SEPTIN7: variants seen among roughly 807,000 people sequenced by gnomAD.
The protein encoded by SEPTIN7 is septin-7.
In SEPTIN7, 10 loss-of-function variants were observed where a neutral mutation model predicts 63.3. The ratio of observed to expected loss-of-function variants is 0.16; its 90% CI spans 0.10 to 0.27. The LOEUF (loss-of-function observed/expected upper bound fraction) is 0.27, where lower values mean the gene tolerates loss of function less well. Ranked by LOEUF, SEPTIN7 falls within the 10% of genes least tolerant of loss-of-function variation. SEPTIN7 has a pLI of 1.00. For synonymous variants in SEPTIN7, 131 were observed against 165.3 expected (o/e 0.79, Z 1.59); for missense variants, 310 against 521.0 (o/e 0.59, Z 3.94).
Position 35,860,970 on chromosome 7 carries a change from A to G in SEPTIN7, c.170-2582A>G, listed in dbSNP as rs147943018. ...CATTGAGTATATATTGGTCCAATTG[A>G]TTTATTTCATAATCTCTTGGGCTCT... On this transcript the variant is annotated intron_variant, in intron 3 of 13. Transcript: ENST00000350320. Among the ~76,000 whole-genome samples, 264 of 152,116 alleles carry G rather than the reference A, an allele frequency of 1.7e-3. 1 individual carries two copies. Among genetic ancestry groups the G allele is most frequent in the African/African-American group, 6.1e-3 (254 of 41,518 alleles).
chr7:35,842,791 G>A (rs1429610377), intron 3 of SEPTIN7, among the ~76,000 whole-genome samples: 2 of 152,100 alleles, frequency 1.3e-5, no homozygotes, highest in Non-Finnish European at 2.9e-5. Context: ...TAGGATATTT[G>A]AGATGGATGC....
At chr7:35,816,392 A>G (rs1269526896) in intron 1 of SEPTIN7, among the ~76,000 whole-genome samples, 1 of 152,164 alleles carries the variant, frequency 6.6e-6, no homozygotes, top group African/African-American at 2.4e-5. Context: ...TCTGTGTTGT[A>G]GCATGTCTCA....
chr7:35,826,348 A>G (rs1236523280), intron 1 of SEPTIN7, among the ~76,000 whole-genome samples: 1 of 150,734 alleles, frequency 6.6e-6, no homozygotes, highest in Non-Finnish European at 1.5e-5. Flanking sequence ...CTTTAGGAGA[A>G]ACATACTTCG....
chr7:35,878,209 A>G (rs1193403211), intron 6 of SEPTIN7, among the ~76,000 whole-genome samples: 1 of 152,046 alleles, frequency 6.6e-6, no homozygotes, highest in African/African-American at 2.4e-5. Context: ...TTAGAGAAGG[A>G]TTCCCAGTGG....
chr7:35,835,883 AC>A (rs911943404), intron 3 of SEPTIN7, among the ~76,000 whole-genome samples: 4 of 152,212 alleles, frequency 2.6e-5, no homozygotes, highest in African/African-American at 9.6e-5. Flanking sequence ...CAAATTGGTC[AC>A]TTTTTATGTG....
At chr7:35,842,105 A>G (rs1182699804) in intron 3 of SEPTIN7, among the ~76,000 whole-genome samples, 1 of 152,094 alleles carries the variant, frequency 6.6e-6, no homozygotes, top group Non-Finnish European at 1.5e-5. Flanking sequence ...TGTTTTTTGT[A>G]TTATGAATCG....
At chr7:35,853,494 TG>T (rs2116074837) in intron 3 of SEPTIN7, among the ~76,000 whole-genome samples, 1 of 152,294 alleles carries the variant, frequency 6.6e-6, no homozygotes, top group East Asian at 1.9e-4. Flanking sequence ...GCTCAGAGTC[TG>T]GGAAGTATAG....
intron 1 of SEPTIN7, among the ~76,000 whole-genome samples, chr7:35,819,982 CTTT>C (rs556829718): frequency 4.3e-5 from 6 of 140,650 alleles, no homozygotes; most frequent in Admixed American, 1.4e-4. Context: ...TACATCTTGT[CTTT>C]TTTTTTTTTT....
intron 10 of SEPTIN7, among the ~76,000 whole-genome samples, chr7:35,889,629 C>T (rs746128205): frequency 1.3e-5 from 2 of 152,140 alleles, no homozygotes; most frequent in Non-Finnish European, 2.9e-5. Context: ...CTGCAACCTC[C>T]ACTTCCTGGG....
chr7:35,902,900 C>A, intron 12 of SEPTIN7, 176 bp from the exon 13 acceptor site: 2 of 925,198 alleles, frequency 2.2e-6, no homozygotes, highest in Non-Finnish European at 2.9e-6. Flanking sequence ...TTTTGGGTGG[C>A]AGGTCCTAAA....
At chr7:35,862,483 T>C (rs1223218796) in intron 3 of SEPTIN7, among the ~76,000 whole-genome samples, 2 of 152,174 alleles carry the variant, frequency 1.3e-5, no homozygotes, top group African/African-American at 4.8e-5. Context: ...TTTATTCTAA[T>C]CTTTCTGCTT....
chr7:35,870,214 C>A (rs1435783419), intron 4 of SEPTIN7, among the ~76,000 whole-genome samples: 4 of 152,112 alleles, frequency 2.6e-5, no homozygotes, highest in Non-Finnish European at 5.9e-5. Flanking sequence ...TATAAACATT[C>A]CTTAAAGTGT....
At chr7:35,893,965 TG>T (rs960648574) in intron 11 of SEPTIN7, among the ~76,000 whole-genome samples, 5 of 152,120 alleles carry the variant, frequency 3.3e-5, no homozygotes, top group Non-Finnish European at 7.4e-5. Flanking sequence ...CTTGCATCCC[TG>T]TATGGAGGGT....
chr7:35,911,451 A>G (rs1031709989), downstream of SEPTIN7, among the ~76,000 whole-genome samples: 9 of 152,144 alleles, frequency 5.9e-5, no homozygotes, highest in African/African-American at 2.2e-4. Context: ...GCCAGAAAAA[A>G]ATGAACGTAC....
intron 3 of SEPTIN7, among the ~76,000 whole-genome samples, chr7:35,851,377 AT>A (rs1381572575): frequency 1.3e-5 from 2 of 152,168 alleles, no homozygotes; most frequent in African/African-American, 4.8e-5. Context: ...TGATAATGAC[AT>A]TGTTGCAAAA....
At chr7:35,915,312 C>G in the SEPTIN7 span, among the ~76,000 whole-genome samples, 2 of 152,106 alleles carry the variant, frequency 1.3e-5, no homozygotes, top group African/African-American at 4.8e-5. Context: ...CCTGCTCATA[C>G]ACACACACTT....
chr7:35,829,128 C>CTTTTT lies in SEPTIN7; in HGVS notation c.62-2344_62-2340dup, dbSNP rs71553032. Among the ~76,000 whole-genome samples the CTTTTT allele has an allele frequency of 5.2e-3, 318 of 61,048 alleles. 24 individuals are homozygous for CTTTTT. Among genetic ancestry groups the CTTTTT allele is most frequent in the African/African-American group, 0.018 (258 of 14,174 alleles). 40.0% of individuals were successfully genotyped at this position (61,048 alleles called of 152,430 possible). A position where few individuals can be genotyped will look rare whatever the true frequency, so the allele number is the denominator to read the frequency against. On this transcript the variant is annotated intron_variant, in intron 1 of 13. Coordinates refer to ENST00000350320, the MANE Select transcript of SEPTIN7 (RefSeq NM_001788.6). Reference sequence around the variant, plus strand: ...CACTTCATTATAGTTCATGGACCTTCTTTTTTTTTTTTTTTTTTTTTTTTG... The same window carrying CTTTTT: ...CACTTCATTATAGTTCATGGACCTTCTTTTTTTTTTTTTTTTTTTTTTTTTTTTTG...
intron 3 of SEPTIN7, among the ~76,000 whole-genome samples, chr7:35,843,839 T>C (rs1784528882): frequency 6.6e-6 from 1 of 152,222 alleles, no homozygotes; most frequent in African/African-American, 2.4e-5. Context: ...TTCTGTTTCT[T>C]GTACTGCCCA....
intron 3 of SEPTIN7, among the ~76,000 whole-genome samples, chr7:35,861,628 TTG>T (rs1205250339): frequency 6.6e-6 from 1 of 152,216 alleles, no homozygotes; most frequent in African/African-American, 2.4e-5. Context: ...AGATGGTCTA[TTG>T]TATCTACCCA....
Sources: gnomAD v4.1 joint callset for allele counts (sites outside exome capture counted in the v4.1 genomes callset) on GRCh38, gnomAD v4.1.1 for gene constraint, MANE v1.5 for transcripts, NCBI Gene and HGNC (gene_info 2026-07-23, HGNC 2026-07-21) for gene names.